NLK: variants seen among roughly 807,000 people sequenced by gnomAD.
NLK encodes the protein nemo like kinase, also known as serine/threonine-protein kinase NLK.
NLK carries 11 observed loss-of-function variants against 59.0 expected under a neutral mutation model. That is an observed-to-expected ratio of 0.19 (90% CI 0.12 to 0.31). The LOEUF is 0.31. NLK is among the 10% of genes least tolerant of loss of function. The pLI is 1.00. For missense variants in NLK, 410 were observed against 661.1 expected, an observed-to-expected ratio of 0.62 and a Z score of 4.16; for synonymous variants, 235 against 235.9, an observed-to-expected ratio of 1.00 and a Z score of 0.03.
intron 3 of NLK, among the ~76,000 whole-genome samples, chr17:28,145,855 G>C (rs1367414149): frequency 6.6e-6 from 1 of 151,998 alleles, no homozygotes; most frequent in Non-Finnish European, 1.5e-5. Context: ...ACAGGTGCCC[G>C]CAACCACACC....
chr17:28,058,848 A>G (rs1909531370), intron 1 of NLK, among the ~76,000 whole-genome samples: 1 of 152,196 alleles, frequency 6.6e-6, no homozygotes, highest in Non-Finnish European at 1.5e-5. Context: ...GTCAGCAGCC[A>G]GGCGCCATGG....
chr17:28,072,675 AC>A (rs1292542791), intron 1 of NLK, among the ~76,000 whole-genome samples: 1 of 150,242 alleles, frequency 6.7e-6, no homozygotes, highest in Non-Finnish European at 1.5e-5. Context: ...GAGATTTTCC[AC>A]CCCTTATTTG....
chr17:28,067,916 GAATCA>G (rs1909887505), intron 1 of NLK, among the ~76,000 whole-genome samples: 9 of 151,812 alleles, frequency 5.9e-5, no homozygotes, highest in Admixed American at 4.6e-4. Flanking sequence ...CATGGCAGGT[GAATCA>G]CCTGAGGTCA....
chr17:28,140,460 C>T (rs1019366652), intron 3 of NLK, among the ~76,000 whole-genome samples: 1 of 151,986 alleles, frequency 6.6e-6, no homozygotes, highest in Non-Finnish European at 1.5e-5. Flanking sequence ...TAAAAAACAC[C>T]ATAACAAGGA....
At chr17:28,188,713 C>T (rs1279716831) in intron 8 of NLK, among the ~76,000 whole-genome samples, 2 of 152,120 alleles carry the variant, frequency 1.3e-5, no homozygotes, top group Non-Finnish European at 2.9e-5. Context: ...AACTCCTGAC[C>T]CACCTTGGCC....
At chr17:28,047,501 A>G (rs1301208099) in intron 1 of NLK, among the ~76,000 whole-genome samples, 3 of 152,234 alleles carry the variant, frequency 2.0e-5, no homozygotes, top group Non-Finnish European at 4.4e-5. Context: ...GATCATCTGC[A>G]CTGTTTTAGA....
Position 28,055,405 on chromosome 17 carries a change from T to C in NLK, c.458+12074T>C, listed in dbSNP as rs563460766. Among the ~76,000 whole-genome samples, 11 of 152,012 alleles carry C rather than the reference T, an allele frequency of 7.2e-5. No individual in the cohort carries two copies. The South Asian group carries it at 2.3e-3, about 32-fold the overall frequency. On this transcript the variant is annotated intron_variant, in intron 1 of 10. Coordinates refer to ENST00000407008, the MANE Select transcript of NLK (RefSeq NM_016231.5). ...CTTGCCAGGTTGGATTTTTTTTTTT[T>C]AGTATAGTGGTGCCTTGAACTCCTG...
At chr17:28,133,848 G>T (rs1001533628) in intron 3 of NLK, among the ~76,000 whole-genome samples, 3 of 152,146 alleles carry the variant, frequency 2.0e-5, no homozygotes, top group African/African-American at 7.2e-5. Context: ...TACACAGGGG[G>T]TTGGTAATTC....
intron 1 of NLK, among the ~76,000 whole-genome samples, chr17:28,093,451 A>G (rs574867964): frequency 6.6e-6 from 1 of 152,162 alleles, no homozygotes; most frequent in Non-Finnish European, 1.5e-5. Context: ...CTCCATAGGC[A>G]TTCCAAGAGG....
chr17:28,118,621 G>A (rs561722395), intron 1 of NLK, among the ~76,000 whole-genome samples: 11 of 152,038 alleles, frequency 7.2e-5, no homozygotes, highest in Non-Finnish European at 1.2e-4. Flanking sequence ...GCAGTGTTCC[G>A]TTTTCTGGGA....
intron 1 of NLK, among the ~76,000 whole-genome samples, chr17:28,093,759 AAATGAAG>A (rs1437686280): frequency 6.6e-6 from 1 of 152,230 alleles, no homozygotes; most frequent in Non-Finnish European, 1.5e-5. Flanking sequence ...CCTGTTTGAA[AAATGAAG>A]ATAACAATTC....
intron 7 of NLK, 48 bp downstream of exon 7, chr17:28,172,666 G>C: frequency 9.0e-7 from 1 of 1,111,522 alleles, no homozygotes; most frequent in East Asian, 3.0e-5. Flanking sequence ...GTTTGGGCAA[G>C]ATTTCCCTTC....
intron 1 of NLK, among the ~76,000 whole-genome samples, chr17:28,067,408 T>G (rs920258304): frequency 1.3e-5 from 2 of 152,084 alleles, no homozygotes; most frequent in African/African-American, 4.8e-5. Context: ...TCTAATGCAC[T>G]TTCATGGAGT....
Position 28,043,346 on chromosome 17 carries a change from A to G in NLK, c.458+15A>G, listed in dbSNP as rs1277831222. ...GGTGTTGTCTGGTGAGTATCCAAAG[A>G]AAAACACAACCTCTCATGGTTTCTT... On this transcript the variant is annotated intron_variant, in intron 1 of 10. Transcript: ENST00000407008. 2 of 1,517,240 alleles carry G rather than the reference A, an allele frequency of 1.3e-6. No individual in the cohort carries two copies. Among genetic ancestry groups the G allele is most frequent in the East Asian group, 4.6e-5 (2 of 43,890 alleles). 94.0% of individuals were successfully genotyped at this position (1,517,240 alleles called of 1,614,324 possible). A position where few individuals can be genotyped will look rare whatever the true frequency, so the allele number is the denominator to read the frequency against.
Position 28,168,564 on chromosome 17 carries a change from C to T in NLK, c.954C>T (p.Tyr318=). The T allele has an allele frequency of 6.2e-7, 1 of 1,613,422 alleles. No homozygotes were observed. Among genetic ancestry groups the T allele is most frequent in the Non-Finnish European group, 8.5e-7 (1 of 1,179,358 alleles). ...AAATCCTGATGGGCAGCCGTCATTA[C>T]AGCAATGCTATTGACATCTGGTCTG... The part of the protein sequence containing the change: ...APEILMGSRH[Y]SNAIDIWSVG... Residue 318 remains tyrosine (Y), a synonymous_variant, in exon 6 of 11, where the codon TAC becomes TAT. Transcript: ENST00000407008.
At chr17:28,093,511 G>A (rs1413621491) in intron 1 of NLK, among the ~76,000 whole-genome samples, 1 of 152,156 alleles carries the variant, frequency 6.6e-6, no homozygotes, top group Non-Finnish European at 1.5e-5. Flanking sequence ...TCATCAAAGG[G>A]TTCCTTGGAA....
intron 1 of NLK, among the ~76,000 whole-genome samples, chr17:28,056,516 T>A (rs1909449825): frequency 6.6e-6 from 1 of 152,102 alleles, no homozygotes; most frequent in South Asian, 2.1e-4. Flanking sequence ...AAATGAAAAC[T>A]CTATATAAAT....
At chr17:28,162,237 G>T (rs893006679) in intron 4 of NLK, among the ~76,000 whole-genome samples, 2 of 152,018 alleles carry the variant, frequency 1.3e-5, no homozygotes, top group South Asian at 2.1e-4. Flanking sequence ...GGATGATCTT[G>T]ATCTCCCGAC....
chr17:28,187,728 A>G (rs1421605003), intron 8 of NLK, among the ~76,000 whole-genome samples: 2 of 152,248 alleles, frequency 1.3e-5, no homozygotes, highest in Non-Finnish European at 2.9e-5. Flanking sequence ...TTTGTACACA[A>G]GTTCTACATG....
Sources: gnomAD v4.1 joint callset for allele counts (sites outside exome capture counted in the v4.1 genomes callset) on GRCh38, gnomAD v4.1.1 for gene constraint, MANE v1.5 for transcripts, NCBI Gene and HGNC (gene_info 2026-07-23, HGNC 2026-07-21) for gene names.